Variants in REEP4 observed in about 807,000 individuals in gnomAD.
REEP4 encodes the protein receptor accessory protein 4, also known as receptor expression-enhancing protein 4.
Under a neutral mutation model 33.5 loss-of-function variants are expected in REEP4, and 17 were observed. The ratio of observed to expected loss-of-function variants is 0.51; its 90% CI spans 0.35 to 0.76. The LOEUF is 0.76. REEP4 is among the 30% of genes least tolerant of loss of function. The pLI is 0.01. For missense variants in REEP4, 340 were observed against 357.9 expected, an observed-to-expected ratio of 0.95 and a Z score of 0.40; for synonymous variants, 157 against 142.9, an observed-to-expected ratio of 1.10 and a Z score of -0.70.
rs563413125 is a variant in REEP4 at position 22,140,349 on chromosome 8, T to C, written c.106-101A>G. ...ATTCCAGGGAGCCTGTCCGGCTGCA[T>C]AGCTGCTTTCCCCCACACATGGCTG... On this transcript the variant is annotated intron_variant, in intron 2 of 7. Transcript: ENST00000306306. 35 of 1,205,662 alleles carry C rather than the reference T, an allele frequency of 2.9e-5. No homozygotes were observed. In the East Asian group the frequency reaches 7.7e-4, roughly 26 times the overall value. 74.7% of individuals were successfully genotyped at this position (1,205,662 alleles called of 1,614,324 possible).
At position 22,141,446 on chromosome 8, in the gene REEP4, C is replaced by T. The variant is rs377616885; in HGVS notation, c.32+5G>A. 7 of 1,602,618 alleles carry T rather than the reference C, an allele frequency of 4.4e-6. No homozygotes were observed. Among genetic ancestry groups the T allele is most frequent in the Non-Finnish European group, 4.3e-6 (5 of 1,175,100 alleles). On this transcript the variant is annotated splice_donor_5th_base_variant and intron_variant, in intron 1 of 7. Transcript: ENST00000306306. ...TAGAGGAGGTCTGAGGGCGGCCATA[C>T]TCACACCACCAGGCGACAGATCATC... is the stretch of plus-strand genomic sequence containing the variant.
At position 22,138,945 on chromosome 8, in the gene REEP4, G is replaced by T. The variant is rs1324721474; in HGVS notation, c.534C>A (p.Ser178=). 3.3e-5 allele frequency: 53 copies of T among 1,595,498 alleles called. No homozygotes were observed. Among genetic ancestry groups the T allele is most frequent in the Non-Finnish European group, 4.5e-5 (53 of 1,172,622 alleles). ...GCTCACCAATGGGTGGCCTCCGGTG[G>T]GACACCTGGTCCTCCAGGTAGAGGG... The part of the protein sequence containing the change: ...HDPLYLEDQV[S]HRRPPIGYRA... The change falls in exon 6 of 8, where the codon TCC becomes TCA. Residue 178 remains serine, a synonymous_variant. Coordinates refer to ENST00000306306, the MANE Select transcript of REEP4 (RefSeq NM_025232.4).
chr8:22,141,864 A>G lies in REEP4; in HGVS notation c.-382T>C, dbSNP rs755777826. On this transcript the variant is annotated 5_prime_UTR_variant, in exon 1 of 8. Coordinates refer to ENST00000306306, the MANE Select transcript of REEP4 (RefSeq NM_025232.4). ...CGCCGGGCCACCAGCACCGGCCTAC[A>G]GGGCGGAGTTCGCAACTCACTTGAA... 28 of 240,974 alleles carry G rather than the reference A, an allele frequency of 1.2e-4. No homozygotes were observed. Among genetic ancestry groups the G allele is most frequent in the Admixed American group, 6.3e-4 (11 of 17,376 alleles). 14.9% of individuals were successfully genotyped at this position (240,974 alleles called of 1,614,324 possible).
Position 22,141,841 on chromosome 8 carries a change from C to T in REEP4, c.-359G>A, listed in dbSNP as rs1827237944. Reference sequence around the variant, plus strand: ...AGCGGGTCGCCGCGGTTCCAGCGCGCCGGGCCACCAGCACCGGCCTACAGG... The same window carrying T: ...AGCGGGTCGCCGCGGTTCCAGCGCGTCGGGCCACCAGCACCGGCCTACAGG... On this transcript the variant is annotated 5_prime_UTR_variant, in exon 1 of 8. Coordinates refer to ENST00000306306, the MANE Select transcript of REEP4 (RefSeq NM_025232.4). 7.0e-6 allele frequency: 2 copies of T among 284,222 alleles called. No homozygotes were observed. The highest frequency in any genetic ancestry group is 1.3e-5 in the Non-Finnish European group (2 of 152,132). 17.6% of individuals were successfully genotyped at this position (284,222 alleles called of 1,614,324 possible). A position where few individuals can be genotyped will look rare whatever the true frequency, so the allele number is the denominator to read the frequency against.
chr8:22,138,638 C>T lies in REEP4; in HGVS notation c.708+1G>A, dbSNP rs769223144. Reference sequence around the variant, plus strand: ...CCCTCCTGTCGTCCTCCCACACTGACCTCCCGCACCGGTGGCTTCCTCTTG... The same window carrying T: ...CCCTCCTGTCGTCCTCCCACACTGATCTCCCGCACCGGTGGCTTCCTCTTG... On this transcript the variant is annotated splice_donor_variant, in intron 7 of 7. Transcript: ENST00000306306. LOFTEE classifies it high-confidence loss of function. 3.1e-6 allele frequency: 5 copies of T among 1,614,006 alleles called. No individual in the cohort carries two copies. The highest frequency in any genetic ancestry group is 4.2e-6 in the Non-Finnish European group (5 of 1,180,032).
At position 22,141,572 on chromosome 8, in the gene REEP4, G is replaced by T; in HGVS notation, c.-90C>A. The T allele has an allele frequency of 7.2e-7, 1 of 1,396,292 alleles. No homozygotes were observed. The highest frequency in any genetic ancestry group is 9.7e-7 in the Non-Finnish European group (1 of 1,032,228). 86.5% of individuals were successfully genotyped at this position (1,396,292 alleles called of 1,614,324 possible). A position where few individuals can be genotyped will look rare whatever the true frequency, so the allele number is the denominator to read the frequency against. On this transcript the variant is annotated 5_prime_UTR_variant, in exon 1 of 8. In the 5' UTR this introduces an upstream ATG that the reference lacks. Transcript: ENST00000306306. The stretch of plus-strand genomic sequence containing the variant: ...GCTGGGACGGGGGGTGATCAGGGCA[G>T]TTGCGGGAAGCAGAGGGGCGATCCG...
chr8:22,139,133 G>A (rs1422627539), intron 5 of REEP4, 72 bp from the exon 6 acceptor site: 3 of 1,536,272 alleles, frequency 2.0e-6, no homozygotes, highest in Non-Finnish European at 2.6e-6. Context: ...CACCGGAGCT[G>A]AGACGCAGAA....
In REEP4 at chr8:22,139,906, G is replaced by A. The variant is rs1346759878; in HGVS notation, c.303+57C>T. 6 of 1,547,744 alleles carry A rather than the reference G, an allele frequency of 3.9e-6. No homozygotes were observed. In the African/African-American group the frequency reaches 8.2e-5, roughly 21 times the overall value. The stretch of plus-strand genomic sequence containing the variant: ...CCCAGCATCCTAAATCCCAGGTCCA[G>A]GGCTCTTTCCCTCATACCCACCCCT... On this transcript the variant is annotated intron_variant, in intron 4 of 7. Transcript: ENST00000306306.
At position 22,141,668 on chromosome 8, in the gene REEP4, TG is replaced by T; in HGVS notation, c.-187del. The T allele has an allele frequency of 2.0e-6, 1 of 489,396 alleles. No homozygotes were observed. Among genetic ancestry groups the T allele is most frequent in the Non-Finnish European group, 3.5e-6 (1 of 289,528 alleles). 30.3% of individuals were successfully genotyped at this position (489,396 alleles called of 1,614,324 possible). ...TGTGCAGTTCAGGGGACCTGGAGAA[TG>T]GGGAGACCCGAGGCAAAGCGGCCCC... On this transcript the variant is annotated 5_prime_UTR_variant, in exon 1 of 8. Transcript: ENST00000306306.
In REEP4 at chr8:22,141,608, G is replaced by A; in HGVS notation, c.-126C>T. On this transcript the variant is annotated 5_prime_UTR_variant, in exon 1 of 8. Transcript: ENST00000306306. ...CAGAGGGGCGATCCGGCTGTCCCTC[G>A]GCGGAGGCAGAGCCCGCCGCCCACG... 4 of 1,002,974 alleles carry A rather than the reference G, an allele frequency of 4.0e-6. No individual in the cohort carries two copies. Among genetic ancestry groups the A allele is most frequent in the Non-Finnish European group, 5.8e-6 (4 of 695,038 alleles). 62.1% of individuals were successfully genotyped at this position (1,002,974 alleles called of 1,614,324 possible).
chr8:22,138,940 C>CGGTG lies in REEP4; in HGVS notation c.535_538dup (p.Arg180ProfsTer21), dbSNP rs1563199194. 1 of 1,591,400 alleles carries CGGTG rather than the reference C, an allele frequency of 6.3e-7. No homozygotes were observed. Among genetic ancestry groups the CGGTG allele is most frequent in the African/African-American group, 1.3e-5 (1 of 74,078 alleles). On this transcript the variant is annotated frameshift_variant, in exon 6 of 8. Transcript: ENST00000306306. LOFTEE classifies it high-confidence loss of function. ...TGCCCGCTCACCAATGGGTGGCCTC[C>CGGTG]GGTGGGACACCTGGTCCTCCAGGTA... is the stretch of plus-strand genomic sequence containing the variant.
intron 1 of REEP4, 59 bp downstream of exon 1, chr8:22,141,392 C>T: frequency 1.9e-6 from 3 of 1,575,524 alleles, no homozygotes; most frequent in East Asian, 2.4e-5. Flanking sequence ...CCACAGCTTC[C>T]ACCACAGGGG....
Position 22,138,283 on chromosome 8 carries a change from C to A in REEP4, c.*204G>T. The A allele has an allele frequency of 1.4e-6, 1 of 714,296 alleles. No homozygotes were observed. Among genetic ancestry groups the A allele is most frequent in the South Asian group, 1.5e-5 (1 of 67,306 alleles). The allele number at this position is 714,296 out of a possible 1,614,324, so 44.2% of individuals were successfully genotyped here. Reference sequence around the variant, plus strand: ...CAAGGCAATAAATAGAACCCTGGGCCCAGCCTGCTTTGGTACATTGTGGGT... The same window carrying A: ...CAAGGCAATAAATAGAACCCTGGGCACAGCCTGCTTTGGTACATTGTGGGT... On this transcript the variant is annotated 3_prime_UTR_variant, in exon 8 of 8. Transcript: ENST00000306306.
chr8:22,138,507 GCA>G lies in REEP4; in HGVS notation c.752_753del (p.Val251AlafsTer53). The part of the protein sequence containing the change: ...SLKVRTRKKT[V>X]PSDVDS Reference sequence around the variant, plus strand: ...AGACCCTAGCTGTCCACGTCTGAGGGCACAGTCTTTTTCCTCGTCCGAACCTT... The same window carrying G: ...AGACCCTAGCTGTCCACGTCTGAGGGCAGTCTTTTTCCTCGTCCGAACCTT... On this transcript the variant is annotated frameshift_variant, in exon 8 of 8. Transcript: ENST00000306306. LOFTEE classifies it high-confidence loss of function. 6.2e-7 allele frequency: 1 copy of G among 1,613,762 alleles called. No homozygotes were observed. The highest frequency in any genetic ancestry group is 8.5e-7 in the Non-Finnish European group (1 of 1,180,030).
chr8:22,139,243 G>A, intron 5 of REEP4, 173 bp downstream of exon 5: 1 of 982,396 alleles, frequency 1.0e-6, no homozygotes, highest in Non-Finnish European at 1.6e-6. Flanking sequence ...CAGTGCCAGA[G>A]CCAGGAAGGA....
Position 22,140,202 on chromosome 8 carries a change from G to A in REEP4, c.152C>T (p.Ala51Val). The A allele has an allele frequency of 1.9e-6, 3 of 1,614,150 alleles. No individual in the cohort carries two copies. The highest frequency in any genetic ancestry group is 2.5e-6 in the Non-Finnish European group (3 of 1,180,026). ...YWIVFALFMA[A>V]EIVTDIFISW... The stretch of plus-strand genomic sequence containing the variant: ...GATAAAAATGTCTGTAACGATCTCT[G>A]CTGCCATGAAGAGTGCAAAAACAAT... The change falls in exon 3 of 8, where the codon GCA becomes GTA. Residue 51 changes from alanine to valine, a missense_variant. Physicochemically the swap from Ala to Val is moderately conservative, Grantham distance 64. Coordinates refer to ENST00000306306, the MANE Select transcript of REEP4 (RefSeq NM_025232.4).
intron 3 of REEP4, 35 bp downstream of exon 3, chr8:22,140,137 C>G (rs1827204224): frequency 6.2e-7 from 1 of 1,614,134 alleles, no homozygotes; most frequent in African/African-American, 1.3e-5. Flanking sequence ...GGGGGGCCAC[C>G]CCTGACCCAT....
In REEP4 at chr8:22,138,954, G is replaced by C. The variant is rs767591757; in HGVS notation, c.525C>G (p.Asp175Glu). Residue 175 changes from aspartate (D) to glutamate (E), a missense_variant, in exon 6 of 8, where the codon GAC becomes GAG. Transcript: ENST00000306306. ...TGGGTGGCCTCCGGTGGGACACCTGGTCCTCCAGGTAGAGGGGGTCATGGT... is the reference window on the plus strand; with the variant it reads ...TGGGTGGCCTCCGGTGGGACACCTGCTCCTCCAGGTAGAGGGGGTCATGGT... ...PAYHDPLYLE[D>E]QVSHRRPPIG... 1 of 1,602,694 alleles carries C rather than the reference G, an allele frequency of 6.2e-7. No individual in the cohort carries two copies. Among genetic ancestry groups the C allele is most frequent in the Non-Finnish European group, 8.5e-7 (1 of 1,175,344 alleles).
rs1827235310 is a variant in REEP4, at chr8:22,141,731, C to T, written c.-249G>A. On this transcript the variant is annotated 5_prime_UTR_variant, in exon 1 of 8. Coordinates refer to ENST00000306306, the MANE Select transcript of REEP4 (RefSeq NM_025232.4). Reference sequence around the variant, plus strand: ...AGCCGACTTGGGAGCGGGCGCGCCCCGCGGCCGGGGCAGTTACAGCTCCCA... The same window carrying T: ...AGCCGACTTGGGAGCGGGCGCGCCCTGCGGCCGGGGCAGTTACAGCTCCCA... 2.4e-6 allele frequency: 1 copy of T among 417,772 alleles called. No individual in the cohort carries two copies. Among genetic ancestry groups the T allele is most frequent in the Non-Finnish European group, 4.2e-6 (1 of 236,272 alleles). The allele number at this position is 417,772 out of a possible 1,614,324, so 25.9% of individuals were successfully genotyped here.
Sources: gnomAD v4.1 joint callset for allele counts on GRCh38, gnomAD v4.1.1 for gene constraint, MANE v1.5 for transcripts, NCBI Gene and HGNC (gene_info 2026-07-23, HGNC 2026-07-21) for gene names.